The following ESF1 variants were observed in gnomAD, a reference collection of about 807,000 sequenced individuals.
ESF1 encodes ESF1 homolog.
Under a neutral mutation model 92.0 loss-of-function variants are expected in ESF1, and 58 were observed. That is an observed-to-expected ratio of 0.63 (90% CI 0.51 to 0.78). The LOEUF (loss-of-function observed/expected upper bound fraction) is 0.78. Among genes scored for constraint, ESF1 ranks in the 30% least tolerant of loss-of-function variants. The pLI is 0.00. For synonymous variants in ESF1, 321 were observed against 313.7 expected, an observed-to-expected ratio of 1.02 and a Z score of -0.24; for missense variants, 922 against 989.1, an observed-to-expected ratio of 0.93 and a Z score of 0.91.
chr20:13,715,492 G>A (rs1280627074), intron 13 of ESF1, among the ~76,000 whole-genome samples: 1 of 152,084 alleles, frequency 6.6e-6, no homozygotes, highest in Non-Finnish European at 1.5e-5. Flanking sequence ...GGTTTGTGAG[G>A]CAGGGCTTTC....
At chr20:13,753,818 T>C (rs1237157108) in intron 9 of ESF1, among the ~76,000 whole-genome samples, 1 of 152,206 alleles carries the variant, frequency 6.6e-6, no homozygotes, top group African/African-American at 2.4e-5. Context: ...AACCCATTTA[T>C]GCCTGAGGTT....
rs1300895465 is a variant in ESF1, at chr20:13,768,381, G to A, written c.1519-1457C>T. 4.6e-5 allele frequency among the ~76,000 whole-genome samples: 7 copies of A among 152,212 alleles called. No individual in the cohort carries two copies. The East Asian group carries it at 7.7e-4, about 17-fold the overall frequency. ...GTGGATCACCAGAGGTTGGGAGTTC[G>A]AGATCGGCCTGACTAACATGGTGAA... On this transcript the variant is annotated intron_variant, in intron 7 of 13. Coordinates refer to ENST00000617257, the MANE Select transcript of ESF1 (RefSeq NM_001276380.2).
chr20:13,768,850 T>C (rs1257741500), intron 7 of ESF1, among the ~76,000 whole-genome samples: 1 of 136,376 alleles, frequency 7.3e-6, no homozygotes, highest in South Asian at 2.3e-4. Context: ...TGAGCAGAGA[T>C]CGCGCCACTG....
intron 9 of ESF1, among the ~76,000 whole-genome samples, chr20:13,751,279 A>C (rs887492218): frequency 6.6e-6 from 1 of 152,258 alleles, no homozygotes; most frequent in African/African-American, 2.4e-5. Context: ...TAGAATAGCG[A>C]AAGTTTTGCT....
chr20:13,746,970 C>T (rs187544215), intron 9 of ESF1, among the ~76,000 whole-genome samples: 1 of 152,220 alleles, frequency 6.6e-6, no homozygotes, highest in Non-Finnish European at 1.5e-5. Context: ...AACCATTTTC[C>T]TACATGGTAG....
chr20:13,759,302 T>G lies in ESF1; in HGVS notation c.1828+390A>C, dbSNP rs192629271. 8.5e-5 allele frequency among the ~76,000 whole-genome samples: 13 copies of G among 152,344 alleles called. No homozygotes were observed. The East Asian group carries it at 2.3e-3, about 27-fold the overall frequency. On this transcript the variant is annotated intron_variant, in intron 9 of 13. Transcript: ENST00000617257. ...TGAAAATCGAAGACTATGTAATACA[T>G]ATTTTGTGTTAGTGAAACCTCATGA...
chr20:13,772,564 C>G lies in ESF1; in HGVS notation c.1201G>C (p.Gly401Arg), dbSNP rs1477206024. The change falls in exon 5 of 14, where the codon GGA (glycine) becomes CGA (arginine). Residue 401 changes from glycine to arginine, a missense_variant. Physicochemically the swap from Gly to Arg is moderately radical, Grantham distance 125 (BLOSUM62 -2). Coordinates refer to ENST00000617257, the MANE Select transcript of ESF1 (RefSeq NM_001276380.2). Reference sequence around the variant, plus strand: ...GGAATACTTAATAGCTCTACTGGTCCTTGAACTTGCTCTTCCTTCATCCTC... The same window carrying G: ...GGAATACTTAATAGCTCTACTGGTCGTTGAACTTGCTCTTCCTTCATCCTC... ...KERMKEEQVQ[G>R]PVELLSIPED... The G allele has an allele frequency of 2.5e-6, 4 of 1,612,894 alleles. No individual in the cohort carries two copies. The highest frequency in any genetic ancestry group is 1.3e-5 in the African/African-American group (1 of 74,878).
rs539771548 is a variant in ESF1 at position 13,721,272 on chromosome 20, G to A, written c.2039-2288C>T. Among the ~76,000 whole-genome samples, 20 of 152,268 alleles carry A rather than the reference G, an allele frequency of 1.3e-4. 1 individual carries two copies. The highest frequency in any genetic ancestry group is 6.2e-4 in the South Asian group (3 of 4,826). ...TCAATAAACAGAAGGAAATTATTTC[G>A]CCTATCTCACAAATGTTAACTGAGC... On this transcript the variant is annotated intron_variant, in intron 11 of 13. Coordinates refer to ENST00000617257, the MANE Select transcript of ESF1 (RefSeq NM_001276380.2).
intron 8 of ESF1, among the ~76,000 whole-genome samples, chr20:13,760,666 G>T (rs1483689365): frequency 6.6e-6 from 1 of 151,444 alleles, no homozygotes. Flanking sequence ...AGGGAGGCGG[G>T]GGGTCAGCCC....
At chr20:13,761,413 TA>T (rs202029740) in intron 8 of ESF1, among the ~76,000 whole-genome samples, 52,304 of 139,560 alleles carry the variant, frequency 0.37, 9,335 homozygotes, top group Middle Eastern at 0.51. Context: ...TACAAAAAAT[TA>T]AAAAAAAAAA....
At chr20:13,722,887 C>T (rs989857442) in intron 11 of ESF1, among the ~76,000 whole-genome samples, 1 of 152,082 alleles carries the variant, frequency 6.6e-6, no homozygotes, top group Middle Eastern at 3.4e-3. Context: ...AACTACATCT[C>T]CTGGGACTGC....
chr20:13,736,177 A>G (rs949127498), intron 9 of ESF1, among the ~76,000 whole-genome samples: 1 of 152,172 alleles, frequency 6.6e-6, no homozygotes, highest in African/African-American at 2.4e-5. Flanking sequence ...ATTTTGGACC[A>G]GATAATTCTT....
chr20:13,755,150 G>A (rs1978831703), intron 9 of ESF1, among the ~76,000 whole-genome samples: 1 of 152,202 alleles, frequency 6.6e-6, no homozygotes. Flanking sequence ...CCGGCACAGA[G>A]TAGGTATTCA....
rs376352573 is a variant in ESF1, at chr20:13,743,643, T to C, written c.1829-9801A>G. Among the ~76,000 whole-genome samples the C allele has an allele frequency of 1.7e-3, 263 of 152,272 alleles. 2 individuals are homozygous for C. Among genetic ancestry groups the C allele is most frequent in the African/African-American group, 6.1e-3 (254 of 41,554 alleles). ...CAGACACAGAAAGATAAATACCTAG[T>C]AGAGTTCATTTATATGTGGAATCTA... is the stretch of plus-strand genomic sequence containing the variant. On this transcript the variant is annotated intron_variant, in intron 9 of 13. Coordinates refer to ENST00000617257, the MANE Select transcript of ESF1 (RefSeq NM_001276380.2).
rs115491100 is a variant in ESF1, at chr20:13,776,146, T to C, written c.762A>G (p.Glu254=). ...CAACACTTGTAATTTCATTTTCAGA[T>C]TCCTCATCACTTCCTATTTCACTAA... ...ESVSEIGSDE[E]SENEITSVGR... The change falls in exon 3 of 14, where the codon GAA becomes GAG. Residue 254 remains glutamate (E), a synonymous_variant. Transcript: ENST00000617257. The C allele has an allele frequency of 7.0e-4, 1,124 of 1,613,970 alleles. 6 individuals are homozygous for C. In the African/African-American group the frequency reaches 0.012, roughly 18 times the overall value.
chr20:13,724,302 T>A (rs796108302), intron 11 of ESF1, among the ~76,000 whole-genome samples: 1 of 145,626 alleles, frequency 6.9e-6, no homozygotes, highest in East Asian at 2.0e-4. Context: ...CTCAAAAAAA[T>A]AAATAAATAA....
intron 9 of ESF1, among the ~76,000 whole-genome samples, chr20:13,759,247 C>T (rs1442617275): frequency 6.6e-6 from 1 of 152,134 alleles, no homozygotes; most frequent in African/African-American, 2.4e-5. Context: ...CTCTACTATG[C>T]TATATTTCTT....
At chr20:13,766,058 G>C (rs762428880) in intron 8 of ESF1, among the ~76,000 whole-genome samples, 40 of 152,270 alleles carry the variant, frequency 2.6e-4, no homozygotes, top group Non-Finnish European at 5.1e-4. Flanking sequence ...GACAATTAGT[G>C]ATCTGGAAGA....
intron 9 of ESF1, among the ~76,000 whole-genome samples, chr20:13,741,503 C>A (rs572313561): frequency 1.3e-5 from 2 of 152,238 alleles, no homozygotes; most frequent in African/African-American, 4.8e-5. Context: ...ACCCACAGTT[C>A]TGAAACTCTG....
Sources: gnomAD v4.1 joint callset for allele counts (sites outside exome capture counted in the v4.1 genomes callset) on GRCh38, gnomAD v4.1.1 for gene constraint, MANE v1.5 for transcripts, NCBI Gene and HGNC (gene_info 2026-07-23, HGNC 2026-07-21) for gene names.